Variants in SYNPR observed in about 807,000 individuals in gnomAD.
SYNPR encodes synaptoporin.
In SYNPR, 23 loss-of-function variants were observed where a neutral mutation model predicts 32.9. The observed-to-expected ratio is 0.70, with a 90% CI of 0.50 to 0.99. The LOEUF (loss-of-function observed/expected upper bound fraction) is 0.99, where lower values mean the gene tolerates loss of function less well. Ranked by LOEUF, SYNPR falls within the 50% of genes least tolerant of loss-of-function variation. The pLI, the probability that SYNPR is intolerant of heterozygous loss-of-function variation, is 0.00. For synonymous variants in SYNPR, 146 were observed against 135.9 expected, an observed-to-expected ratio of 1.07 and a Z score of -0.52; for missense variants, 318 against 349.3, an observed-to-expected ratio of 0.91 and a Z score of 0.71.
chr3:63,530,707 C>T (rs1227601541), intron 3 of SYNPR, among the ~76,000 whole-genome samples: 1 of 152,138 alleles, frequency 6.6e-6, no homozygotes, highest in Non-Finnish European at 1.5e-5. Context: ...TGTGACCTGA[C>T]ACTCCTGGTC....
chr3:63,476,426 A>C (rs897656422), intron 2 of SYNPR, among the ~76,000 whole-genome samples: 1 of 151,952 alleles, frequency 6.6e-6, no homozygotes, highest in South Asian at 2.1e-4. Context: ...AGAAGGAAGG[A>C]AAGAAAGATA....
intron 2 of SYNPR, among the ~76,000 whole-genome samples, chr3:63,399,373 C>T (rs557376920): frequency 6.6e-6 from 1 of 152,222 alleles, no homozygotes; most frequent in East Asian, 1.9e-4. Context: ...GTTGATTGCA[C>T]TTTTTTGCAG....
At chr3:63,361,394 T>C (rs1483588872) in intron 2 of SYNPR, among the ~76,000 whole-genome samples, 1 of 152,008 alleles carries the variant, frequency 6.6e-6, no homozygotes, top group African/African-American at 2.4e-5. Flanking sequence ...AAGACCATCC[T>C]GGCCAACAAG....
At chr3:63,299,170 G>C (rs1297832968) in intron 2 of SYNPR, among the ~76,000 whole-genome samples, 1 of 152,106 alleles carries the variant, frequency 6.6e-6, no homozygotes, top group Admixed American at 6.6e-5. Flanking sequence ...GAAAAGAAAG[G>C]ATATATTGGA....
intron 4 of SYNPR, among the ~76,000 whole-genome samples, chr3:63,573,419 C>G (rs190879071): frequency 6.6e-6 from 1 of 152,090 alleles, no homozygotes; most frequent in Non-Finnish European, 1.5e-5. Flanking sequence ...ATGTCAAGAC[C>G]GTTAAGAGGC....
At chr3:63,592,317 T>A (rs1017053649) in intron 4 of SYNPR, among the ~76,000 whole-genome samples, 2 of 152,166 alleles carry the variant, frequency 1.3e-5, no homozygotes, top group African/African-American at 4.8e-5. Context: ...AGCCACTTGG[T>A]TCATGATAAT....
chr3:63,298,271 T>C (rs1475327244), intron 2 of SYNPR, among the ~76,000 whole-genome samples: 1 of 152,200 alleles, frequency 6.6e-6, no homozygotes, highest in Non-Finnish European at 1.5e-5. Flanking sequence ...TATCTCACTG[T>C]TGTAATTCTT....
intron 5 of SYNPR, among the ~76,000 whole-genome samples, chr3:63,612,636 G>A (rs1368174816): frequency 6.6e-6 from 1 of 152,166 alleles, no homozygotes; most frequent in Non-Finnish European, 1.5e-5. Flanking sequence ...ACCCTAAAAT[G>A]TGCCAGCCAA....
chr3:63,328,943 C>A (rs1337563208), intron 2 of SYNPR, among the ~76,000 whole-genome samples: 1 of 152,132 alleles, frequency 6.6e-6, no homozygotes, highest in Non-Finnish European at 1.5e-5. Flanking sequence ...AGTCATCGCA[C>A]AATATGTTTA....
chr3:63,278,442 C>T lies in SYNPR; in HGVS notation c.-92C>T. On this transcript the variant is annotated 5_prime_UTR_variant, in exon 1 of 6. Coordinates refer to ENST00000478300, the MANE Select transcript of SYNPR (RefSeq NM_001130003.2). ...AGGGTGTCGCTCCTCTGGCTGCTCC[C>T]GAAGGGGCTTCTGGCCCTGAGGACG... is the stretch of plus-strand genomic sequence containing the variant. 2 of 1,463,966 alleles carry T rather than the reference C, an allele frequency of 1.4e-6. No individual in the cohort carries two copies. The highest frequency in any genetic ancestry group is 1.4e-5 in the South Asian group (1 of 70,468). The allele number at this position is 1,463,966 out of a possible 1,614,324, so 90.7% of individuals were successfully genotyped here. A position where few individuals can be genotyped will look rare whatever the true frequency, so the allele number is the denominator to read the frequency against.
At chr3:63,241,279 A>G (rs904231089) in intron 1 of SYNPR, among the ~76,000 whole-genome samples, 1 of 152,138 alleles carries the variant, frequency 6.6e-6, no homozygotes, top group Non-Finnish European at 1.5e-5. Context: ...GTAAGGTGAA[A>G]GGTGAAAATG....
intron 3 of SYNPR, among the ~76,000 whole-genome samples, chr3:63,497,846 T>C (rs1435265137): frequency 6.6e-6 from 1 of 152,216 alleles, no homozygotes; most frequent in Non-Finnish European, 1.5e-5. Context: ...CCTCCCTAAC[T>C]CAGGCTCATC....
intron 2 of SYNPR, among the ~76,000 whole-genome samples, chr3:63,373,560 C>T (rs914310689): frequency 7.2e-5 from 11 of 152,022 alleles, no homozygotes; most frequent in African/African-American, 2.7e-4. Flanking sequence ...TGAACAGAAC[C>T]TCTGAGAATG....
the SYNPR span, among the ~76,000 whole-genome samples, chr3:63,220,088 A>C: frequency 6.6e-6 from 1 of 152,210 alleles, no homozygotes; most frequent in African/African-American, 2.4e-5. Flanking sequence ...CAAGTGCCTG[A>C]ATCAGTGCCT....
chr3:63,539,514 G>T (rs1702263709), intron 3 of SYNPR, among the ~76,000 whole-genome samples: 1 of 152,078 alleles, frequency 6.6e-6, no homozygotes. Flanking sequence ...ATTGAATGTA[G>T]ATCCTCAAAA....
rs544363577 is a variant in SYNPR at position 63,310,158 on chromosome 3, T to C, written c.84+31416T>C. Reference sequence around the variant, plus strand: ...AACTGCCTCGTATACTCTTCTTTTTTCCATTGGTATAGTTGAGACAAAGTC... The same window carrying C: ...AACTGCCTCGTATACTCTTCTTTTTCCCATTGGTATAGTTGAGACAAAGTC... On this transcript the variant is annotated intron_variant, in intron 2 of 5. Transcript: ENST00000478300. Among the ~76,000 whole-genome samples the C allele has an allele frequency of 7.4e-4, 113 of 152,076 alleles. No individual in the cohort carries two copies. In the Middle Eastern group the frequency reaches 0.01, roughly 14 times the overall value.
chr3:63,536,770 C>T (rs1237350593), intron 3 of SYNPR, among the ~76,000 whole-genome samples: 1 of 152,056 alleles, frequency 6.6e-6, no homozygotes, highest in Non-Finnish European at 1.5e-5. Flanking sequence ...TATAGCTATA[C>T]AATGGAATAT....
At chr3:63,453,641 A>C (rs1052573695) in intron 2 of SYNPR, among the ~76,000 whole-genome samples, 1 of 152,118 alleles carries the variant, frequency 6.6e-6, no homozygotes, top group Admixed American at 6.6e-5. Context: ...TTTTGGGAGG[A>C]ACTGACACTG....
intron 2 of SYNPR, among the ~76,000 whole-genome samples, chr3:63,255,536 G>A (rs2086374746): frequency 6.6e-6 from 1 of 152,190 alleles, no homozygotes; most frequent in Non-Finnish European, 1.5e-5. Context: ...GGCAAAATGT[G>A]AAGTAACTTA....
Sources: allele counts gnomAD v4.1 joint callset (sites outside exome capture counted in the v4.1 genomes callset), GRCh38; gene constraint gnomAD v4.1.1; transcripts MANE v1.5; gene names NCBI Gene and HGNC (gene_info 2026-07-23, HGNC 2026-07-21).